ABCA8: variants seen among roughly 807,000 people sequenced by gnomAD.
The protein encoded by ABCA8 is ATP binding cassette subfamily A member 8.
In ABCA8, 177 loss-of-function variants were observed where a neutral mutation model predicts 192.3. The observed-to-expected ratio is 0.92, with a 90% CI of 0.81 to 1.04. The LOEUF (loss-of-function observed/expected upper bound fraction) is 1.04. Ranked by LOEUF, ABCA8 falls within the 50% of genes least tolerant of loss-of-function variation. ABCA8 has a pLI of 0.00. For synonymous variants in ABCA8, 642 were observed against 690.2 expected (o/e 0.93, Z 1.09); for missense variants, 1,915 against 1,904.8 (o/e 1.01, Z -0.10).
At chr17:68,876,823 G>C (rs957838504) in intron 33 of ABCA8, 120 bp from the exon 34 acceptor site, 60 of 1,198,878 alleles carry the variant, frequency 5.0e-5, no homozygotes, top group African/African-American at 7.5e-5. Context: ...CATGTGGTCG[G>C]GGGGCAGGGA....
At chr17:68,947,819 C>A (rs968052811) in intron 2 of ABCA8, among the ~76,000 whole-genome samples, 1 of 152,038 alleles carries the variant, frequency 6.6e-6, no homozygotes, top group Non-Finnish European at 1.5e-5. Flanking sequence ...TGGTGGTTTG[C>A]TGCACCTATC....
Position 68,868,161 on chromosome 17 carries a change from TC to T in ABCA8, c.4789del (p.Glu1597SerfsTer15). ...CTCCTCAAAATCACCCAGCTCCTGC[TC>T]CTTGGAGAGCTCCAGGAAAACCTGA... ...LEQVFLELSK[E>X]QELGDFEEDF... On this transcript the variant is annotated frameshift_variant, in exon 40 of 40. Coordinates refer to ENST00000586539, the MANE Select transcript of ABCA8 (RefSeq NM_001288985.2). LOFTEE classifies it high-confidence loss of function. 2.5e-6 allele frequency: 4 copies of T among 1,613,132 alleles called. No individual in the cohort carries two copies. The highest frequency in any genetic ancestry group is 3.4e-6 in the Non-Finnish European group (4 of 1,179,520).
intron 17 of ABCA8, among the ~76,000 whole-genome samples, 165 bp downstream of exon 17, chr17:68,917,196 A>G (rs566399065): frequency 1.3e-3 from 192 of 152,274 alleles, no homozygotes; most frequent in African/African-American, 4.5e-3. Flanking sequence ...GAGTGAACCC[A>G]GGAGGCGGAG....
At chr17:68,933,374 C>A in intron 5 of ABCA8, 103 bp from the exon 6 acceptor site, 1 of 648,136 alleles carries the variant, frequency 1.5e-6, no homozygotes, top group African/African-American at 1.9e-5. Context: ...TACAATGACC[C>A]CAAATTCCAA....
rs781420395 is a variant in ABCA8 at position 68,918,036 on chromosome 17, C to G, written c.2047+11G>C. ...TCCTCCTCAGGATACTTAACAGAAACCAGTGATTACCCGCCAGGATGTCGG... is the reference window on the plus strand; with the variant it reads ...TCCTCCTCAGGATACTTAACAGAAAGCAGTGATTACCCGCCAGGATGTCGG... On this transcript the variant is annotated intron_variant, in intron 16 of 39. Transcript: ENST00000586539. 1.2e-6 allele frequency: 2 copies of G among 1,613,706 alleles called. No homozygotes were observed. Among genetic ancestry groups the G allele is most frequent in the Non-Finnish European group, 1.7e-6 (2 of 1,179,934 alleles).
intron 21 of ABCA8, among the ~76,000 whole-genome samples, chr17:68,899,153 A>G (rs2066840876): frequency 6.6e-6 from 1 of 152,180 alleles, no homozygotes; most frequent in East Asian, 1.9e-4. Context: ...GCCAAAGAAA[A>G]CAGTAAAGAA....
chr17:68,917,490 A>G, intron 16 of ABCA8, 39 bp from the exon 17 acceptor site: 1 of 1,477,530 alleles, frequency 6.8e-7, no homozygotes. Context: ...GTTTGTTAAA[A>G]AGTGGCCCAT....
chr17:68,885,803 G>C (rs1401038268), intron 26 of ABCA8, among the ~76,000 whole-genome samples: 3 of 152,018 alleles, frequency 2.0e-5, no homozygotes, highest in Non-Finnish European at 2.9e-5. Flanking sequence ...ACTGACCTAG[G>C]CCTTCCAAAG....
At chr17:68,884,633 TC>T in intron 27 of ABCA8, 1 of 1,221,296 alleles carries the variant, frequency 8.2e-7, no homozygotes, top group Non-Finnish European at 1.0e-6. Context: ...ATCCTGGAGA[TC>T]CGTGCTAACC....
At chr17:68,937,880 G>A (rs910122996) in intron 4 of ABCA8, among the ~76,000 whole-genome samples, 1 of 151,832 alleles carries the variant, frequency 6.6e-6, no homozygotes, top group Non-Finnish European at 1.5e-5. Context: ...TATTAATAGA[G>A]TACAGAATAT....
At chr17:68,931,199 A>C (rs1336009034) in intron 7 of ABCA8, among the ~76,000 whole-genome samples, 1 of 152,162 alleles carries the variant, frequency 6.6e-6, no homozygotes, top group Non-Finnish European at 1.5e-5. Context: ...TGCCATGGCC[A>C]TTCCTCATTA....
In ABCA8 at chr17:68,904,148, G is replaced by T. The variant is rs1047318784; in HGVS notation, c.2399-649C>A. ...ATTAAAAAAATTAGCCGGGCGTGGT[G>T]GTGGGCACCTGTAGTCGCAGCTACT... On this transcript the variant is annotated intron_variant, in intron 19 of 39. Transcript: ENST00000586539. Among the ~76,000 whole-genome samples the T allele has an allele frequency of 5.9e-5, 9 of 152,050 alleles. No homozygotes were observed. In the South Asian group the frequency reaches 1.7e-3, roughly 28 times the overall value.
At chr17:68,893,719 C>CT (rs1359579755) in intron 23 of ABCA8, among the ~76,000 whole-genome samples, 8 of 65,594 alleles carry the variant, frequency 1.2e-4, no homozygotes, top group Non-Finnish European at 2.1e-4. Flanking sequence ...GCTTCATATT[C>CT]TCTTTTTTTT....
chr17:68,882,586 T>C lies in ABCA8; in HGVS notation c.3828+13A>G. On this transcript the variant is annotated intron_variant, in intron 30 of 39. Coordinates refer to ENST00000586539, the MANE Select transcript of ABCA8 (RefSeq NM_001288985.2). ...AGACTGACTAATAAAAAAACCTTTG[T>C]GTTATGTTTTACCTCATCAAAATTA... is the stretch of plus-strand genomic sequence containing the variant. 1 of 1,603,342 alleles carries C rather than the reference T, an allele frequency of 6.2e-7. No homozygotes were observed.
At chr17:68,882,745 T>C in intron 29 of ABCA8, 26 bp from the exon 30 acceptor site, 5 of 1,600,172 alleles carry the variant, frequency 3.1e-6, no homozygotes, top group Admixed American at 1.7e-5. Context: ...TCCATTAATA[T>C]TGATTTCTGG....
At chr17:68,896,471 T>C (rs1190864532) in intron 21 of ABCA8, among the ~76,000 whole-genome samples, 1 of 152,220 alleles carries the variant, frequency 6.6e-6, no homozygotes, top group Admixed American at 6.5e-5. Context: ...ATAAACATTG[T>C]ATAAGTTTTA....
intron 17 of ABCA8, among the ~76,000 whole-genome samples, chr17:68,909,130 T>C (rs957514956): frequency 6.6e-6 from 1 of 152,198 alleles, no homozygotes; most frequent in South Asian, 2.1e-4. Flanking sequence ...CTTGGCCACT[T>C]GTAGGAACTT....
chr17:68,881,673 G>A (rs1331778710), intron 31 of ABCA8, among the ~76,000 whole-genome samples, 190 bp downstream of exon 31: 3 of 152,222 alleles, frequency 2.0e-5, no homozygotes, highest in Admixed American at 1.3e-4. Context: ...AGTTGTAGAT[G>A]TGACTAGGCT....
intron 8 of ABCA8, among the ~76,000 whole-genome samples, 162 bp downstream of exon 8, chr17:68,929,398 AT>A (rs1464660649): frequency 2.6e-5 from 4 of 152,236 alleles, no homozygotes; most frequent in African/African-American, 9.6e-5. Context: ...TGCACTAAAA[AT>A]TGACATTACA....
Sources: allele counts gnomAD v4.1 joint callset (sites outside exome capture counted in the v4.1 genomes callset), GRCh38; gene constraint gnomAD v4.1.1; transcripts MANE v1.5; gene names NCBI Gene and HGNC (gene_info 2026-07-23, HGNC 2026-07-21).